ACOXL: variants seen among roughly 807,000 people sequenced by gnomAD.
ACOXL encodes acyl-coenzyme A oxidase-like protein.
ACOXL carries 70 observed loss-of-function variants against 71.9 expected under a neutral mutation model. The observed-to-expected ratio is 0.97, with a 90% confidence interval of 0.80 to 1.19. ACOXL has a LOEUF of 1.19. ACOXL is among the 50% of genes most tolerant of loss of function. ACOXL has a pLI of 0.00. For missense variants in ACOXL, 703 were observed against 736.3 expected, an observed-to-expected ratio of 0.95 and a Z score of 0.52; for synonymous variants, 253 against 281.6, an observed-to-expected ratio of 0.90 and a Z score of 1.02.
chr2:110,943,674 G>A (rs2060983284), intron 12 of ACOXL, among the ~76,000 whole-genome samples: 1 of 152,214 alleles, frequency 6.6e-6, no homozygotes, highest in East Asian at 1.9e-4. Flanking sequence ...CAAAGATGAG[G>A]TACTAAACTC....
At chr2:110,895,308 A>T (rs2058965122) in intron 10 of ACOXL, among the ~76,000 whole-genome samples, 2 of 152,188 alleles carry the variant, frequency 1.3e-5, no homozygotes, top group Admixed American at 6.5e-5. Flanking sequence ...CAACAGAAAA[A>T]TAAAGAGGAC....
intron 15 of ACOXL, among the ~76,000 whole-genome samples, chr2:111,040,555 G>A (rs960323737): frequency 6.6e-6 from 1 of 152,146 alleles, no homozygotes; most frequent in Admixed American, 6.5e-5. Context: ...TGCTCCCAAG[G>A]AGCACTGGTG....
At chr2:110,828,175 T>C (rs994934144) in intron 9 of ACOXL, among the ~76,000 whole-genome samples, 3 of 152,164 alleles carry the variant, frequency 2.0e-5, no homozygotes, top group African/African-American at 7.2e-5. Flanking sequence ...TCTTACTATG[T>C]TGCCCACGCT....
chr2:111,032,730 A>G (rs1574545331), intron 15 of ACOXL, among the ~76,000 whole-genome samples: 2 of 152,150 alleles, frequency 1.3e-5, no homozygotes, highest in Non-Finnish European at 2.9e-5. Flanking sequence ...CAGGGCAGGT[A>G]TTATGGCCAG....
At chr2:110,780,514 A>T (rs1351613566) in intron 2 of ACOXL, among the ~76,000 whole-genome samples, 1 of 152,256 alleles carries the variant, frequency 6.6e-6, no homozygotes, top group African/African-American at 2.4e-5. Context: ...AACTTTGTTC[A>T]TAAGAGCCTG....
chr2:110,906,540 A>C (rs2059451476), intron 10 of ACOXL, among the ~76,000 whole-genome samples: 1 of 75,100 alleles, frequency 1.3e-5, no homozygotes, highest in Non-Finnish European at 3.6e-5. Context: ...TCTGTCTCAA[A>C]AAAAAAAAAA....
chr2:110,800,326 C>T (rs1347744078), intron 7 of ACOXL, among the ~76,000 whole-genome samples: 2 of 152,200 alleles, frequency 1.3e-5, no homozygotes, highest in Non-Finnish European at 2.9e-5. Context: ...TGGTTGTGTT[C>T]ATGTTAACCT....
chr2:110,882,089 G>A (rs1696725739), intron 10 of ACOXL, among the ~76,000 whole-genome samples: 1 of 152,272 alleles, frequency 6.6e-6, no homozygotes, highest in Admixed American at 6.5e-5. Context: ...CCCGACAGCG[G>A]CGTATGAGAG....
rs1426697912 is a variant in ACOXL at position 110,840,140 on chromosome 2, G to A, written c.754-1231G>A. Reference sequence around the variant, plus strand: ...TGAGTAGCCGGGATTACAGGTGCCCGCCACCGCACCTGGCTAATTTTTTGT... The same window carrying A: ...TGAGTAGCCGGGATTACAGGTGCCCACCACCGCACCTGGCTAATTTTTTGT... On this transcript the variant is annotated intron_variant, in intron 9 of 17. Coordinates refer to ENST00000439055, the MANE Select transcript of ACOXL (RefSeq NM_001142807.4). 3.3e-5 allele frequency among the ~76,000 whole-genome samples: 5 copies of A among 152,002 alleles called. No homozygotes were observed. The South Asian group carries it at 8.3e-4, about 25-fold the overall frequency.
intron 14 of ACOXL, among the ~76,000 whole-genome samples, chr2:111,015,316 G>A (rs1479122243): frequency 6.6e-6 from 1 of 152,076 alleles, no homozygotes; most frequent in Non-Finnish European, 1.5e-5. Context: ...AGCTTTAAAA[G>A]ATATCTCATA....
At chr2:110,946,190 G>C (rs1318997821) in intron 12 of ACOXL, among the ~76,000 whole-genome samples, 1 of 152,162 alleles carries the variant, frequency 6.6e-6, no homozygotes, top group African/African-American at 2.4e-5. Context: ...CAGTTTGAAC[G>C]TTGCTGGTGT....
intron 12 of ACOXL, among the ~76,000 whole-genome samples, chr2:110,938,671 C>T (rs543413846): frequency 5.9e-4 from 89 of 152,104 alleles, no homozygotes; most frequent in African/African-American, 2.1e-3. Context: ...CTGATGTGCA[C>T]AGACATTGAA....
intron 1 of ACOXL, 133 bp from the exon 2 acceptor site, chr2:110,768,235 A>C: frequency 3.1e-6 from 2 of 648,306 alleles, no homozygotes; most frequent in Non-Finnish European, 5.4e-6. Context: ...TGTGTGACAC[A>C]CACAGTGTGC....
At chr2:110,801,333 C>T (rs1685965101) in intron 7 of ACOXL, among the ~76,000 whole-genome samples, 1 of 152,190 alleles carries the variant, frequency 6.6e-6, no homozygotes, top group Non-Finnish European at 1.5e-5. Context: ...AGAACTCTCC[C>T]TTTCTTAATC....
chr2:110,787,778 C>T (rs769202430), intron 3 of ACOXL, among the ~76,000 whole-genome samples: 2 of 152,074 alleles, frequency 1.3e-5, no homozygotes, highest in African/African-American at 4.8e-5. Flanking sequence ...CCCTCCTTCT[C>T]CTGGCTGACA....
chr2:110,921,388 A>AACCCCC (rs2060064392), intron 11 of ACOXL, among the ~76,000 whole-genome samples: 1 of 57,556 alleles, frequency 1.7e-5, no homozygotes, highest in Admixed American at 2.0e-4. Flanking sequence ...CTATATATCC[A>AACCCCC]CCCCCCCCCC....
chr2:111,031,403 A>G (rs1033070954), intron 14 of ACOXL, among the ~76,000 whole-genome samples: 1 of 152,176 alleles, frequency 6.6e-6, no homozygotes, highest in African/African-American at 2.4e-5. Flanking sequence ...CTCCATTAGT[A>G]TAAATTAATA....
intron 10 of ACOXL, among the ~76,000 whole-genome samples, chr2:110,896,857 A>C (rs1001448441): frequency 1.3e-5 from 2 of 152,182 alleles, no homozygotes; most frequent in Non-Finnish European, 2.9e-5. Flanking sequence ...GAAAAACTCA[A>C]CAATACTATC....
chr2:110,957,321 C>T (rs2061536160), intron 12 of ACOXL, among the ~76,000 whole-genome samples: 1 of 152,160 alleles, frequency 6.6e-6, no homozygotes, highest in Non-Finnish European at 1.5e-5. Context: ...AGGACTTCCT[C>T]AGACTCCAAA....
Sources: allele counts gnomAD v4.1 joint callset (sites outside exome capture counted in the v4.1 genomes callset), GRCh38; gene constraint gnomAD v4.1.1; transcripts MANE v1.5; gene names NCBI Gene and HGNC (gene_info 2026-07-23, HGNC 2026-07-21).